MUC12: variants seen among roughly 807,000 people sequenced by gnomAD.
MUC12 encodes mucin 12, cell surface associated, also known as mucin-12.
Under a neutral mutation model 230.8 loss-of-function variants are expected in MUC12, and 172 were observed. The ratio of observed to expected loss-of-function variants is 0.75; its 90% CI spans 0.66 to 0.85. The LOEUF (loss-of-function observed/expected upper bound fraction) is 0.85, where lower values mean the gene tolerates loss of function less well. Among genes scored for constraint, MUC12 ranks in the 40% least tolerant of loss-of-function variants. The pLI is 0.00. For synonymous variants in MUC12, 1,259 were observed against 2,401.9 expected, an observed-to-expected ratio of 0.52 and a Z score of 13.91; for missense variants, 3,506 against 5,920.6, an observed-to-expected ratio of 0.59 and a Z score of 13.38.
Position 101,018,693 on chromosome 7 carries a change from A to T in MUC12, c.*57A>T. On this transcript the variant is annotated 3_prime_UTR_variant, in exon 12 of 12. Coordinates refer to ENST00000536621, the MANE Select transcript of MUC12 (RefSeq NM_001164462.2). ...CTGTTCAGGAGAGCTGCAAACACAG[A>T]GCCCACCACAAGCCTCCGGGGCGGG... The T allele has an allele frequency of 6.7e-7, 1 of 1,497,054 alleles. No homozygotes were observed. The highest frequency in any genetic ancestry group is 8.9e-7 in the Non-Finnish European group (1 of 1,120,070). The allele number at this position is 1,497,054 out of a possible 1,614,324, so 92.7% of individuals were successfully genotyped here. A position where few individuals can be genotyped will look rare whatever the true frequency, so the allele number is the denominator to read the frequency against.
At chr7:101,013,844 G>A in intron 8 of MUC12, 69 bp from the exon 9 acceptor site, 1 of 1,460,304 alleles carries the variant, frequency 6.8e-7, no homozygotes, top group Admixed American at 2.2e-5. Flanking sequence ...TTAGGAGAGT[G>A]GGTTAACCCT....
chr7:100,982,376 TCTC>T (rs1472299829), intron 1 of MUC12, among the ~76,000 whole-genome samples: 1 of 152,046 alleles, frequency 6.6e-6, no homozygotes, highest in Non-Finnish European at 1.5e-5. Flanking sequence ...ACCTTCCCTT[TCTC>T]CTCTTTATTC....
intron 2 of MUC12, among the ~76,000 whole-genome samples, chr7:101,005,787 C>A (rs561883262): frequency 1.6e-5 from 2 of 125,078 alleles, no homozygotes; most frequent in East Asian, 5.1e-4. Context: ...TTCCATGAAC[C>A]CCTCTTCTCT....
Position 101,018,642 on chromosome 7 carries a change from C to CG in MUC12, c.*11dup, listed in dbSNP as rs1562797338. The CG allele has an allele frequency of 2.0e-6, 3 of 1,535,354 alleles. No individual in the cohort carries two copies. The highest frequency in any genetic ancestry group is 2.6e-6 in the Non-Finnish European group (3 of 1,145,874). Reference sequence around the variant, plus strand: ...TGGTAGCATCCACTGTGTGAGCCAACGGGGGCCTCCCACCCTCATCTAGCT... The same window carrying CG: ...TGGTAGCATCCACTGTGTGAGCCAACGGGGGGCCTCCCACCCTCATCTAGCT... On this transcript the variant is annotated 3_prime_UTR_variant, in exon 12 of 12. Transcript: ENST00000536621.
At chr7:101,016,110 A>G (rs1793913169) in intron 10 of MUC12, among the ~76,000 whole-genome samples, 1 of 152,072 alleles carries the variant, frequency 6.6e-6, no homozygotes, top group Non-Finnish European at 1.5e-5. Context: ...GGAGCCCAGT[A>G]AGCAGGGAGG....
Position 100,992,975 on chromosome 7 carries a change from A to C in MUC12, c.2412A>C (p.Ser804=). ...ESTTSPISSG[S]METTALPGST... ...CGACCTCACCCATCAGTTCAGGCTC[A>C]ATGGAAACGACAGCGTTACCCGGCA... is the stretch of plus-strand genomic sequence containing the variant. The change falls in exon 2 of 12, where the codon TCA becomes TCC. Residue 804 remains serine (S), a synonymous_variant. Transcript: ENST00000536621. 6.5e-7 allele frequency: 1 copy of C among 1,537,426 alleles called. No individual in the cohort carries two copies. Among genetic ancestry groups the C allele is most frequent in the Non-Finnish European group, 8.7e-7 (1 of 1,147,026 alleles).
intron 5 of MUC12, 53 bp downstream of exon 5, chr7:101,009,212 T>C: frequency 2.0e-6 from 3 of 1,494,410 alleles, no homozygotes; most frequent in South Asian, 1.2e-5. Flanking sequence ...TCCTTGTCCC[T>C]GCTTTCCTGC....
At chr7:101,006,678 G>A in intron 3 of MUC12, 106 bp downstream of exon 3, 1 of 765,556 alleles carries the variant, frequency 1.3e-6, no homozygotes, top group Non-Finnish European at 2.2e-6. Context: ...GCAGGTGGAG[G>A]AGGTGTGACT....
intron 1 of MUC12, 85 bp from the exon 2 acceptor site, chr7:100,990,546 C>A (rs11762738): frequency 0.017 from 25,904 of 1,488,910 alleles, 711 homozygotes; most frequent in African/African-American, 0.11. Context: ...GTCTTCCAGC[C>A]CGGATGTGTC....
chr7:100,979,162 C>T (rs1468486041), intron 1 of MUC12, among the ~76,000 whole-genome samples: 1 of 152,112 alleles, frequency 6.6e-6, no homozygotes, highest in African/African-American at 2.4e-5. Flanking sequence ...AAGCAGTAAA[C>T]ACTGTAAATG....
In MUC12 at chr7:101,002,869, A is replaced by G; in HGVS notation, c.12306A>G (p.Glu4102=). The G allele has an allele frequency of 8.7e-7, 1 of 1,151,380 alleles. No individual in the cohort carries two copies. The highest frequency in any genetic ancestry group is 1.2e-6 in the Non-Finnish European group (1 of 832,156). 71.3% of individuals were successfully genotyped at this position (1,151,380 alleles called of 1,614,324 possible). Residue 4102 remains glutamate, a synonymous_variant, in exon 2 of 12, where the codon GAA becomes GAG. Coordinates refer to ENST00000536621, the MANE Select transcript of MUC12 (RefSeq NM_001164462.2). ...CCAGCACCACAGCAGTCCCTGTTGA[A>G]GTATCCACAACCTACCACAGCCGCC... ...SPPSTTAVPV[E]VSTTYHSRPS... is the part of the protein sequence containing the mutation.
intron 1 of MUC12, among the ~76,000 whole-genome samples, chr7:100,977,655 T>G (rs1465624292): frequency 6.6e-6 from 1 of 152,164 alleles, no homozygotes. Context: ...TAAGCCACCG[T>G]GCCTGGCCAG....
intron 3 of MUC12, among the ~76,000 whole-genome samples, chr7:101,006,940 G>A (rs565275524): frequency 6.8e-4 from 104 of 152,126 alleles, no homozygotes; most frequent in African/African-American, 2.4e-3. Flanking sequence ...ACAATCCTAC[G>A]GTACTATTTT....
At chr7:101,015,792 T>A in intron 10 of MUC12, 101 bp downstream of exon 10, 3 of 1,058,604 alleles carry the variant, frequency 2.8e-6, no homozygotes, top group Non-Finnish European at 4.1e-6. Context: ...CAGCCCCCCT[T>A]TGGGGTGGCT....
chr7:100,985,622 A>C (rs1793175532), intron 1 of MUC12, among the ~76,000 whole-genome samples: 1 of 152,196 alleles, frequency 6.6e-6, no homozygotes, highest in Non-Finnish European at 1.5e-5. Context: ...GGAGCCAGTT[A>C]TGTGAGATCT....
intron 1 of MUC12, among the ~76,000 whole-genome samples, chr7:100,974,019 C>T (rs959327975): frequency 6.6e-6 from 1 of 151,968 alleles, no homozygotes; most frequent in African/African-American, 2.4e-5. Flanking sequence ...CATAGTGGTG[C>T]ATGCCTATAG....
At position 100,991,482 on chromosome 7, in the gene MUC12, A is replaced by G. The variant is rs61742944; in HGVS notation, c.919A>G (p.Ser307Gly). ...TGTTAAACTATCTACAACTTATCAC[A>G]GCAGCCCGAGCTCAACTCCAACAAC... ...AFVKLSTTYHSSPSSTPTTHF... is the reference protein window; with the variant it reads ...AFVKLSTTYHGSPSSTPTTHF... Residue 307 changes from serine to glycine, a missense_variant, in exon 2 of 12, where the codon AGC becomes GGC. Physicochemically the swap from Ser to Gly is moderately conservative, Grantham distance 56 (BLOSUM62 0). Transcript: ENST00000536621. 18 of 1,536,426 alleles carry G rather than the reference A, an allele frequency of 1.2e-5. No homozygotes were observed. The East Asian group carries it at 2.7e-4, about 23-fold the overall frequency.
Position 100,990,630 on chromosome 7 carries a change from G to A in MUC12, c.68-1G>A, listed in dbSNP as rs1793265363. On this transcript the variant is annotated splice_acceptor_variant, in intron 1 of 11. Transcript: ENST00000536621. LOFTEE classifies it high-confidence loss of function. ...TTTCTCTGGTTTCTCTCAAATCACA[G>A]GCTCAACAGTAAACACCAGTATTGG... 1 of 1,537,394 alleles carries A rather than the reference G, an allele frequency of 6.5e-7. No individual in the cohort carries two copies. Among genetic ancestry groups the A allele is most frequent in the Non-Finnish European group, 8.7e-7 (1 of 1,146,944 alleles).
chr7:100,991,759 C>A lies in MUC12; in HGVS notation c.1196C>A (p.Ser399Ter). ...FHGSTTHTKS[S>*]TPSTTAALAH... Reference sequence around the variant, plus strand: ...GGCAGCACAACACACACAAAATCTTCAACTCCTAGCACCACAGCTGCCCTA... The same window carrying A: ...GGCAGCACAACACACACAAAATCTTAAACTCCTAGCACCACAGCTGCCCTA... The change falls in exon 2 of 12, where the codon TCA (serine) becomes TAA (stop). Residue 399 changes from serine (S) to a stop codon, truncating the protein, a stop_gained. Transcript: ENST00000536621. LOFTEE classifies it high-confidence loss of function. 6.5e-7 allele frequency: 1 copy of A among 1,537,998 alleles called. No homozygotes were observed. The highest frequency in any genetic ancestry group is 8.7e-7 in the Non-Finnish European group (1 of 1,147,076).
Sources: allele counts gnomAD v4.1 joint callset (sites outside exome capture counted in the v4.1 genomes callset), GRCh38; gene constraint gnomAD v4.1.1; transcripts MANE v1.5; gene names NCBI Gene and HGNC (gene_info 2026-07-23, HGNC 2026-07-21).